ANGPT1: variants seen among roughly 807,000 people sequenced by gnomAD.
The protein encoded by ANGPT1 is angiopoietin-1.
In ANGPT1, 17 loss-of-function variants were observed where a neutral mutation model predicts 62.2. The observed-to-expected ratio is 0.27, with a 90% CI of 0.19 to 0.41. The LOEUF is 0.41. Among genes scored for constraint, ANGPT1 ranks in the 10% least tolerant of loss-of-function variants. ANGPT1 has a pLI of 1.00. For missense variants in ANGPT1, 478 were observed against 594.9 expected (o/e 0.80, Z 2.04); for synonymous variants, 199 against 198.9 (o/e 1.00, Z 0.00).
intron 1 of ANGPT1, among the ~76,000 whole-genome samples, chr8:107,438,887 CAT>C (rs1450807485): frequency 6.6e-5 from 10 of 151,856 alleles, no homozygotes; most frequent in Admixed American, 2.6e-4. Context: ...TACATAAAAC[CAT>C]ATGTTATTTG....
intron 1 of ANGPT1, among the ~76,000 whole-genome samples, chr8:107,369,707 G>T (rs934165896): frequency 6.6e-6 from 1 of 152,056 alleles, no homozygotes. Context: ...GAATAGGGAG[G>T]CCCATTGAGA....
At chr8:107,427,408 G>T (rs563375518) in intron 1 of ANGPT1, among the ~76,000 whole-genome samples, 12 of 152,230 alleles carry the variant, frequency 7.9e-5, no homozygotes, top group Middle Eastern at 6.8e-3. Context: ...TGAAGCAGAT[G>T]CTGTTTCCTG....
intron 1 of ANGPT1, among the ~76,000 whole-genome samples, chr8:107,475,438 A>G (rs1342771074): frequency 6.6e-6 from 1 of 152,196 alleles, no homozygotes; most frequent in Non-Finnish European, 1.5e-5. Context: ...AATTAATTCA[A>G]GATGGATTAA....
intron 3 of ANGPT1, among the ~76,000 whole-genome samples, chr8:107,329,133 A>C (rs932192261): frequency 6.6e-6 from 1 of 152,072 alleles, no homozygotes; most frequent in African/African-American, 2.4e-5. Flanking sequence ...GCATGTGTGC[A>C]ATTATATATG....
At chr8:107,345,009 C>A (rs963048254) in intron 2 of ANGPT1, among the ~76,000 whole-genome samples, 1 of 151,928 alleles carries the variant, frequency 6.6e-6, no homozygotes, top group African/African-American at 2.4e-5. Context: ...ATAACAGGTT[C>A]GAAGCATCAC....
chr8:107,260,074 C>T (rs1238898878), intron 8 of ANGPT1, among the ~76,000 whole-genome samples: 2 of 151,750 alleles, frequency 1.3e-5, no homozygotes, highest in African/African-American at 4.8e-5. Context: ...AGTAATTAAC[C>T]CCCTTAAACT....
chr8:107,466,498 T>C (rs946664510), intron 1 of ANGPT1, among the ~76,000 whole-genome samples: 6 of 152,138 alleles, frequency 3.9e-5, no homozygotes, highest in African/African-American at 1.4e-4. Context: ...TTCACAGGCC[T>C]GGCCTACTTC....
intron 5 of ANGPT1, among the ~76,000 whole-genome samples, chr8:107,296,583 A>T (rs1814422480): frequency 6.6e-6 from 1 of 152,110 alleles, no homozygotes; most frequent in African/African-American, 2.4e-5. Flanking sequence ...AAGAGGGCAT[A>T]GGTGGTGATT....
At chr8:107,449,426 A>ACACG (rs755433305) in intron 1 of ANGPT1, among the ~76,000 whole-genome samples, 3 of 151,396 alleles carry the variant, frequency 2.0e-5, no homozygotes. Flanking sequence ...ACACACACAC[A>ACACG]CAGAAAACTT....
At chr8:107,445,001 C>T (rs1811578075) in intron 1 of ANGPT1, among the ~76,000 whole-genome samples, 1 of 152,190 alleles carries the variant, frequency 6.6e-6, no homozygotes, top group Non-Finnish European at 1.5e-5. Context: ...TCTGTCTAGA[C>T]ACCTAGGAAT....
intron 3 of ANGPT1, chr8:107,322,866 A>C (rs1014323889): frequency 2.3e-5 from 4 of 175,554 alleles, no homozygotes; most frequent in African/African-American, 9.6e-5. Flanking sequence ...CACAGAAACC[A>C]CAGGAGCCAA....
chr8:107,469,821 AC>A (rs1351965040), intron 1 of ANGPT1, among the ~76,000 whole-genome samples: 19 of 152,058 alleles, frequency 1.2e-4, no homozygotes, highest in Admixed American at 1.2e-3. Flanking sequence ...CTCCTAACAC[AC>A]AACAGGTTTG....
At chr8:107,302,772 A>T (rs1814624406) in intron 5 of ANGPT1, among the ~76,000 whole-genome samples, 1 of 151,922 alleles carries the variant, frequency 6.6e-6, no homozygotes. Flanking sequence ...TTCTTTCAAG[A>T]TTATGAAGTA....
At chr8:107,314,358 C>T (rs1042752131) in intron 4 of ANGPT1, among the ~76,000 whole-genome samples, 2 of 152,128 alleles carry the variant, frequency 1.3e-5, no homozygotes, top group East Asian at 3.9e-4. Context: ...AGAGAATTAA[C>T]CACAAAATTT....
chr8:107,334,405 A>T (rs569541730), intron 3 of ANGPT1, among the ~76,000 whole-genome samples: 2 of 152,310 alleles, frequency 1.3e-5, no homozygotes, highest in South Asian at 4.1e-4. Context: ...TCTCCAAAGA[A>T]GTCAGACTTC....
At chr8:107,265,443 G>C (rs1813590354) in intron 7 of ANGPT1, among the ~76,000 whole-genome samples, 2 of 152,178 alleles carry the variant, frequency 1.3e-5, no homozygotes, top group African/African-American at 4.8e-5. Flanking sequence ...GTAGTGCTTA[G>C]AACTAATGTA....
intron 6 of ANGPT1, among the ~76,000 whole-genome samples, chr8:107,286,183 C>T (rs187471723): frequency 6.6e-6 from 1 of 152,006 alleles, no homozygotes; most frequent in African/African-American, 2.4e-5. Flanking sequence ...GAGTTACTTA[C>T]CAAAGTTCAA....
intron 1 of ANGPT1, among the ~76,000 whole-genome samples, chr8:107,474,086 A>G (rs1309323267): frequency 6.6e-6 from 1 of 152,186 alleles, no homozygotes; most frequent in South Asian, 2.1e-4. Context: ...AACTCATTTC[A>G]TGACGCCAGC....
intron 1 of ANGPT1, among the ~76,000 whole-genome samples, chr8:107,476,508 C>A (rs1246501572): frequency 1.3e-5 from 2 of 152,062 alleles, no homozygotes; most frequent in African/African-American, 4.8e-5. Context: ...ATGGGTGCAG[C>A]ACACCAACAT....
Sources: gnomAD v4.1 joint callset for allele counts (sites outside exome capture counted in the v4.1 genomes callset) on GRCh38, gnomAD v4.1.1 for gene constraint, MANE v1.5 for transcripts, NCBI Gene and HGNC (gene_info 2026-07-23, HGNC 2026-07-21) for gene names.